SWAP70: variants seen among roughly 807,000 people sequenced by gnomAD.
SWAP70 encodes the protein switching B cell complex subunit SWAP70, also known as switch-associated protein 70.
SWAP70 carries 34 observed loss-of-function variants against 80.2 expected under a neutral mutation model. The observed-to-expected ratio is 0.42, with a 90% CI of 0.32 to 0.56. The LOEUF (loss-of-function observed/expected upper bound fraction) is 0.56, where lower values mean the gene tolerates loss of function less well. SWAP70 is among the 20% of genes least tolerant of loss of function. The pLI, the probability that SWAP70 is intolerant of heterozygous loss-of-function variation, is 0.09. For missense variants in SWAP70, 578 were observed against 690.7 expected (o/e 0.84, Z 1.83); for synonymous variants, 239 against 238.5 (o/e 1.00, Z -0.02).
At chr11:9,714,417 A>T (rs1851038644) in intron 3 of SWAP70, among the ~76,000 whole-genome samples, 1 of 152,240 alleles carries the variant, frequency 6.6e-6, no homozygotes, top group African/African-American at 2.4e-5. Flanking sequence ...GTTTAGTTTA[A>T]TGCCTGGCAC....
At chr11:9,667,391 CA>C (rs1266045981) in intron 1 of SWAP70, among the ~76,000 whole-genome samples, 2 of 152,054 alleles carry the variant, frequency 1.3e-5, no homozygotes, top group African/African-American at 2.4e-5. Context: ...GCTAGGCTCA[CA>C]GGCATGAGCC....
chr11:9,717,823 C>A (rs544948523), intron 3 of SWAP70, among the ~76,000 whole-genome samples: 11 of 150,308 alleles, frequency 7.3e-5, no homozygotes, highest in South Asian at 4.2e-4. Context: ...TTGAAAGTGA[C>A]CTTGTCCTGA....
intron 1 of SWAP70, among the ~76,000 whole-genome samples, chr11:9,684,547 G>A (rs1189019757): frequency 6.6e-6 from 1 of 152,098 alleles, no homozygotes; most frequent in Non-Finnish European, 1.5e-5. Context: ...TTCTTATTGT[G>A]TCCTTTTCTC....
intron 4 of SWAP70, among the ~76,000 whole-genome samples, chr11:9,725,558 TATA>T (rs1415967824): frequency 7.4e-4 from 9 of 12,238 alleles, no homozygotes; most frequent in African/African-American, 1.9e-3. Context: ...TATATATATA[TATA>T]TATATATATT....
intron 1 of SWAP70, among the ~76,000 whole-genome samples, chr11:9,682,146 TGA>T (rs1426712254): frequency 6.6e-6 from 1 of 152,174 alleles, no homozygotes; most frequent in Non-Finnish European, 1.5e-5. Context: ...TGACAGGACC[TGA>T]GAGGGGAGAA....
At chr11:9,677,903 AT>A in intron 1 of SWAP70, among the ~76,000 whole-genome samples, 1 of 152,014 alleles carries the variant, frequency 6.6e-6, no homozygotes, top group Non-Finnish European at 1.5e-5. Flanking sequence ...TAGTTTTTTT[AT>A]CTTTTGCCTC....
At chr11:9,689,165 C>T (rs1322098114) in intron 1 of SWAP70, among the ~76,000 whole-genome samples, 2 of 152,042 alleles carry the variant, frequency 1.3e-5, no homozygotes, top group African/African-American at 2.4e-5. Context: ...CTGGGTGGCA[C>T]GTTTTAAATA....
chr11:9,744,785 A>G (rs1435912838), intron 9 of SWAP70, among the ~76,000 whole-genome samples: 2 of 152,046 alleles, frequency 1.3e-5, no homozygotes, highest in Non-Finnish European at 2.9e-5. Context: ...GTGCATGCCT[A>G]TAATCCCAGC....
In SWAP70 at chr11:9,707,504, T is replaced by A. The variant is rs543728896; in HGVS notation, c.241-5962T>A. Among the ~76,000 whole-genome samples, 19 of 152,250 alleles carry A rather than the reference T, an allele frequency of 1.2e-4. No individual in the cohort carries two copies. The Middle Eastern group carries it at 0.01, about 82-fold the overall frequency. ...CTATGAGAGCATTTCCTTCTTTTTTTAAGGCTGAATAATACTTCATTGTAT... is the reference window on the plus strand; with the variant it reads ...CTATGAGAGCATTTCCTTCTTTTTTAAAGGCTGAATAATACTTCATTGTAT... On this transcript the variant is annotated intron_variant, in intron 2 of 11. Coordinates refer to ENST00000318950, the MANE Select transcript of SWAP70 (RefSeq NM_015055.4).
intron 9 of SWAP70, chr11:9,740,589 T>G: frequency 1.9e-6 from 1 of 515,206 alleles, no homozygotes; most frequent in Non-Finnish European, 3.5e-6. Flanking sequence ...TTTAGAGCAG[T>G]CTGGTAGGTA....
intron 3 of SWAP70, among the ~76,000 whole-genome samples, chr11:9,717,030 A>G (rs1320336036): frequency 6.6e-6 from 1 of 152,232 alleles, no homozygotes. Context: ...ATTAGATGCT[A>G]TGGAAAAATT....
intron 9 of SWAP70, 152 bp from the exon 10 acceptor site, chr11:9,747,706 T>G (rs996734438): frequency 2.8e-6 from 2 of 717,804 alleles, no homozygotes; most frequent in African/African-American, 3.5e-5. Context: ...TTTGTGAATA[T>G]GAGCTTCTCT....
chr11:9,720,316 C>T (rs1290137846), intron 3 of SWAP70: 17 of 985,284 alleles, frequency 1.7e-5, no homozygotes, highest in Non-Finnish European at 1.9e-5. Context: ...ATGACAACTT[C>T]ATAAGGCTTG....
chr11:9,682,743 C>T (rs1850583213), intron 1 of SWAP70, among the ~76,000 whole-genome samples: 1 of 152,168 alleles, frequency 6.6e-6, no homozygotes, highest in Admixed American at 6.5e-5. Flanking sequence ...GTGACACAAT[C>T]TGTGCGCACT....
At chr11:9,683,554 A>G (rs1850594236) in intron 1 of SWAP70, among the ~76,000 whole-genome samples, 1 of 152,246 alleles carries the variant, frequency 6.6e-6, no homozygotes, top group South Asian at 2.1e-4. Context: ...TATCTGTCCC[A>G]GCATGGGTTC....
At chr11:9,724,172 T>G (rs1027065450) in intron 3 of SWAP70, among the ~76,000 whole-genome samples, 7 of 152,240 alleles carry the variant, frequency 4.6e-5, no homozygotes, top group African/African-American at 1.7e-4. Flanking sequence ...CCACCATTAT[T>G]TACAACATTG....
At chr11:9,722,865 T>TA (rs1168233473) in intron 3 of SWAP70, among the ~76,000 whole-genome samples, 3 of 152,136 alleles carry the variant, frequency 2.0e-5, no homozygotes, top group Admixed American at 6.5e-5. Flanking sequence ...TAAAGGGTTG[T>TA]AAAAAAACAA....
At chr11:9,727,512 A>G (rs1851241318) in intron 4 of SWAP70, among the ~76,000 whole-genome samples, 2 of 152,162 alleles carry the variant, frequency 1.3e-5, no homozygotes, top group African/African-American at 2.4e-5. Flanking sequence ...GGCATGAGCC[A>G]CTGCATCAGG....
chr11:9,711,948 A>G (rs1364972632), intron 2 of SWAP70, among the ~76,000 whole-genome samples: 1 of 152,124 alleles, frequency 6.6e-6, no homozygotes, highest in Non-Finnish European at 1.5e-5. Flanking sequence ...AGTTCTTCCA[A>G]ACTAACCATG....
Sources: allele counts gnomAD v4.1 joint callset (sites outside exome capture counted in the v4.1 genomes callset), GRCh38; gene constraint gnomAD v4.1.1; transcripts MANE v1.5; gene names NCBI Gene and HGNC (gene_info 2026-07-23, HGNC 2026-07-21).